Variants in ZNF407 observed in about 807,000 individuals in gnomAD.
ZNF407 encodes zinc finger protein 407.
Under a neutral mutation model 131.2 loss-of-function variants are expected in ZNF407, and 17 were observed. The observed-to-expected ratio is 0.13, with a 90% CI of 0.09 to 0.19. ZNF407 has a LOEUF of 0.19. Among genes scored for constraint, ZNF407 ranks in the 10% least tolerant of loss-of-function variants. ZNF407 has a pLI of 1.00. For synonymous variants in ZNF407, 1,156 were observed against 1,062.0 expected, an observed-to-expected ratio of 1.09 and a Z score of -1.72; for missense variants, 2,681 against 2,830.6, an observed-to-expected ratio of 0.95 and a Z score of 1.20.
At chr18:74,716,658 C>G (rs1454118026) in intron 3 of ZNF407, among the ~76,000 whole-genome samples, 1 of 152,046 alleles carries the variant, frequency 6.6e-6, no homozygotes, top group South Asian at 2.1e-4. Flanking sequence ...GTAAACAACA[C>G]AAATTTCTGA....
At chr18:74,932,256 A>C (rs929972060) in intron 8 of ZNF407, among the ~76,000 whole-genome samples, 14 of 152,066 alleles carry the variant, frequency 9.2e-5, no homozygotes, top group African/African-American at 2.7e-4. Context: ...TTGCATATAG[A>C]TGTCTCATTT....
At chr18:74,916,575 A>G (rs2554140) in intron 7 of ZNF407, among the ~76,000 whole-genome samples, 400 of 26,440 alleles carry the variant, frequency 0.015, no homozygotes, top group Middle Eastern at 0.029. Flanking sequence ...GTGTGTGTGC[A>G]TGCATGTGTG....
chr18:74,652,695 C>T (rs1985281473), intron 3 of ZNF407, among the ~76,000 whole-genome samples: 2 of 151,912 alleles, frequency 1.3e-5, no homozygotes, highest in Admixed American at 6.6e-5. Context: ...TACAACTTCC[C>T]GAGGTGCTTC....
At chr18:74,988,944 C>T (rs867387000) in intron 8 of ZNF407, among the ~76,000 whole-genome samples, 7 of 152,102 alleles carry the variant, frequency 4.6e-5, no homozygotes, top group Non-Finnish European at 1.0e-4. Flanking sequence ...TACACCTATC[C>T]ACTATATAAC....
rs751450561 is a variant in ZNF407 at position 74,634,815 on chromosome 18, G to C, written c.3796G>C (p.Val1266Leu). 2 of 1,613,848 alleles carry C rather than the reference G, an allele frequency of 1.2e-6. No individual in the cohort carries two copies. Among genetic ancestry groups the C allele is most frequent in the Non-Finnish European group, 8.5e-7 (1 of 1,179,888 alleles). The change falls in exon 2 of 9, where the codon GTT (valine) becomes CTT (leucine). Residue 1266 changes from valine to leucine, a missense_variant. Physicochemically the swap from Val to Leu is conservative, Grantham distance 32 (BLOSUM62 1). Transcript: ENST00000299687. Reference protein sequence around the residue: ...GERSAESPVLVVTRITREQGN... With the variant: ...GERSAESPVLLVTRITREQGN... ...GCGCTCGGCTGAAAGCCCTGTGCTC[G>C]TTGTGACAAGAATAACCAGAGAACA...
chr18:75,029,610 T>C (rs879746903), intron 8 of ZNF407, among the ~76,000 whole-genome samples: 2 of 151,754 alleles, frequency 1.3e-5, no homozygotes, highest in Non-Finnish European at 2.9e-5. Context: ...TGCATGGGTG[T>C]GTGTGCCTGG....
chr18:74,907,822 T>C (rs866415762), intron 7 of ZNF407, among the ~76,000 whole-genome samples: 1 of 152,216 alleles, frequency 6.6e-6, no homozygotes, highest in African/African-American at 2.4e-5. Context: ...TGAAGGATAC[T>C]ATCAAATGTT....
At chr18:75,028,634 A>T (rs1973199577) in intron 8 of ZNF407, among the ~76,000 whole-genome samples, 1 of 152,204 alleles carries the variant, frequency 6.6e-6, no homozygotes, top group Admixed American at 6.5e-5. Context: ...AGAAACACTG[A>T]ACGTCAATGT....
intron 8 of ZNF407, among the ~76,000 whole-genome samples, chr18:75,011,790 G>A (rs1400699595): frequency 1.3e-5 from 2 of 152,074 alleles, no homozygotes; most frequent in African/African-American, 4.8e-5. Flanking sequence ...CTTATAAGGA[G>A]AAATGAAAAA....
intron 3 of ZNF407, among the ~76,000 whole-genome samples, chr18:74,725,759 T>G (rs1968141896): frequency 6.6e-6 from 1 of 152,224 alleles, no homozygotes; most frequent in Non-Finnish European, 1.5e-5. Context: ...CATGTGTAGC[T>G]TGACATTTGA....
At position 74,728,628 on chromosome 18, in the gene ZNF407, T is replaced by G. The variant is rs142066772; in HGVS notation, c.4803-52800T>G. On this transcript the variant is annotated intron_variant, in intron 3 of 8. Coordinates refer to ENST00000299687, the MANE Select transcript of ZNF407 (RefSeq NM_017757.3). ...CCACCTACCTCCACCGAGGGAGAGA[T>G]GTACAGGAAGCAGCCAGGTAAGTGC... Among the ~76,000 whole-genome samples, 344 of 152,168 alleles carry G rather than the reference T, an allele frequency of 2.3e-3. 1 individual carries two copies. Among genetic ancestry groups the G allele is most frequent in the African/African-American group, 7.9e-3 (327 of 41,512 alleles).
chr18:74,749,896 A>ACC (rs1568196201), intron 3 of ZNF407, among the ~76,000 whole-genome samples: 2 of 152,168 alleles, frequency 1.3e-5, no homozygotes, highest in Non-Finnish European at 2.9e-5. Flanking sequence ...TCTTATTGGA[A>ACC]ACTATAAAAA....
chr18:74,998,516 A>G (rs1418396466), intron 8 of ZNF407, among the ~76,000 whole-genome samples: 1 of 152,194 alleles, frequency 6.6e-6, no homozygotes, highest in Non-Finnish European at 1.5e-5. Context: ...GTTGATGTAC[A>G]TATTTTTTTC....
intron 1 of ZNF407, among the ~76,000 whole-genome samples, chr18:74,611,868 G>A (rs1011573406): frequency 1.3e-4 from 20 of 152,180 alleles, no homozygotes; most frequent in African/African-American, 4.3e-4. Flanking sequence ...GCCCTGTAGG[G>A]AATGTGATGC....
At chr18:74,791,641 A>T (rs7232965) in intron 4 of ZNF407, among the ~76,000 whole-genome samples, 1 of 152,112 alleles carries the variant, frequency 6.6e-6, no homozygotes, top group Admixed American at 6.5e-5. Flanking sequence ...TTTATTTTCA[A>T]GGGTCAGATT....
At chr18:74,874,393 G>GTGAGATTT (rs1192638612) in intron 4 of ZNF407, among the ~76,000 whole-genome samples, 1 of 152,190 alleles carries the variant, frequency 6.6e-6, no homozygotes, top group Admixed American at 6.5e-5. Context: ...TCTCAGGAAA[G>GTGAGATTT]TCCACCATGT....
intron 7 of ZNF407, among the ~76,000 whole-genome samples, chr18:74,899,443 G>A (rs926531932): frequency 3.3e-5 from 5 of 152,114 alleles, no homozygotes; most frequent in African/African-American, 9.7e-5. Flanking sequence ...GGGCTGCTGG[G>A]TGAGTGACCG....
intron 3 of ZNF407, among the ~76,000 whole-genome samples, chr18:74,734,406 GT>G (rs1407465963): frequency 2.0e-5 from 3 of 152,096 alleles, no homozygotes; most frequent in African/African-American, 7.2e-5. Context: ...TTTCAGTTTT[GT>G]TTTTTATCAT....
intron 3 of ZNF407, among the ~76,000 whole-genome samples, chr18:74,677,310 C>T (rs1246762501): frequency 2.0e-5 from 3 of 152,132 alleles, no homozygotes; most frequent in African/African-American, 4.8e-5. Context: ...GGGCCGGTCT[C>T]GAACTCCTGA....
Sources: gnomAD v4.1 joint callset for allele counts (sites outside exome capture counted in the v4.1 genomes callset) on GRCh38, gnomAD v4.1.1 for gene constraint, MANE v1.5 for transcripts, NCBI Gene and HGNC (gene_info 2026-07-23, HGNC 2026-07-21) for gene names.